The following GTF2H1 variants were observed in gnomAD, a reference collection of about 807,000 sequenced individuals.
The protein encoded by GTF2H1 is BTF2 p62.
GTF2H1 carries 16 observed loss-of-function variants against 71.2 expected under a neutral mutation model. The ratio of observed to expected loss-of-function variants is 0.22; its 90% confidence interval spans 0.15 to 0.34. The LOEUF is 0.34. GTF2H1 is among the 10% of genes least tolerant of loss of function. The probability of loss-of-function intolerance (pLI) is 1.00; values close to 1 mark genes in which losing one functional copy is unlikely to be tolerated. For synonymous variants in GTF2H1, 215 were observed against 219.0 expected (o/e 0.98, Z 0.16); for missense variants, 498 against 648.2 (o/e 0.77, Z 2.52).
intron 2 of GTF2H1, among the ~76,000 whole-genome samples, 191 bp from the exon 3 acceptor site, chr11:18,335,563 G>T (rs949883976): frequency 6.6e-6 from 1 of 152,216 alleles, no homozygotes; most frequent in African/African-American, 2.4e-5. Flanking sequence ...CAGAGTGTTA[G>T]TGAGTTTGAT....
chr11:18,358,205 A>C, intron 12 of GTF2H1, 163 bp downstream of exon 12: 1 of 621,172 alleles, frequency 1.6e-6, no homozygotes, highest in East Asian at 2.8e-5. Flanking sequence ...CATCTAGACA[A>C]GATCTTAGGT....
At chr11:18,348,213 T>C in intron 9 of GTF2H1, 1 of 413,608 alleles carries the variant, frequency 2.4e-6, no homozygotes, top group Non-Finnish European at 4.2e-6. Context: ...GATTTTGTTC[T>C]CTGGGAATAA....
intron 1 of GTF2H1, among the ~76,000 whole-genome samples, chr11:18,329,002 T>C (rs1167332786): frequency 6.6e-6 from 1 of 152,184 alleles, no homozygotes; most frequent in East Asian, 1.9e-4. Flanking sequence ...TTGTGATCCT[T>C]TATCATATTT....
intron 2 of GTF2H1, 50 bp downstream of exon 2, chr11:18,333,278 G>A (rs535303666): frequency 3.0e-6 from 4 of 1,312,470 alleles, no homozygotes; most frequent in East Asian, 4.7e-5. Flanking sequence ...ATAGTTGCTA[G>A]TAATTTTGTA....
chr11:18,356,098 C>A (rs1001149542), intron 11 of GTF2H1, among the ~76,000 whole-genome samples: 1 of 152,070 alleles, frequency 6.6e-6, no homozygotes, highest in African/African-American at 2.4e-5. Context: ...GAACCAAGAT[C>A]TGGGACCGGG....
Position 18,356,787 on chromosome 11 carries a change from G to GT in GTF2H1, c.1261-1146dup, listed in dbSNP as rs34873148. 7.5e-3 allele frequency among the ~76,000 whole-genome samples: 848 copies of GT among 113,010 alleles called. 8 individuals carry two copies. The highest frequency in any genetic ancestry group is 9.9e-3 in the Non-Finnish European group (551 of 55,614). 74.1% of individuals were successfully genotyped at this position (113,010 alleles called of 152,430 possible). On this transcript the variant is annotated intron_variant, in intron 11 of 14. Coordinates refer to ENST00000265963, the MANE Select transcript of GTF2H1 (RefSeq NM_005316.4). Reference sequence around the variant, plus strand: ...TTTTTTTACACTGTAGTCAATCTTTGTTTTTTTTTTTTTTTTTTTGCAGTC... The same window carrying GT: ...TTTTTTTACACTGTAGTCAATCTTTGTTTTTTTTTTTTTTTTTTTTGCAGTC...
At position 18,336,094 on chromosome 11, in the gene GTF2H1, T is replaced by C. The variant is rs1865022077; in HGVS notation, c.347+148T>C. On this transcript the variant is annotated intron_variant, in intron 3 of 14. Transcript: ENST00000265963. Reference sequence around the variant, plus strand: ...CGTTTTTGTTTTTGTTTTGTTTGTTTGTTTGTTTTGGTGGTGGTGGTTTTT... The same window carrying C: ...CGTTTTTGTTTTTGTTTTGTTTGTTCGTTTGTTTTGGTGGTGGTGGTTTTT... The C allele has an allele frequency of 9.7e-6, 6 of 620,094 alleles. No individual in the cohort carries two copies. The South Asian group carries it at 1.2e-4, about 12-fold the overall frequency. 38.4% of individuals were successfully genotyped at this position (620,094 alleles called of 1,614,324 possible). A position where few individuals can be genotyped will look rare whatever the true frequency, so the allele number is the denominator to read the frequency against.
At chr11:18,323,300 C>CT (rs1462207309) in intron 1 of GTF2H1, among the ~76,000 whole-genome samples, 1 of 151,644 alleles carries the variant, frequency 6.6e-6, no homozygotes, top group African/African-American at 2.4e-5. Context: ...GGTGACTTTT[C>CT]TTATTTTTTT....
chr11:18,347,972 T>C (rs1224185962), intron 9 of GTF2H1, 53 bp downstream of exon 9: 6 of 1,102,284 alleles, frequency 5.4e-6, no homozygotes, highest in African/African-American at 3.1e-5. Flanking sequence ...CCAAATACTT[T>C]ATGTGACTGC....
intron 11 of GTF2H1, among the ~76,000 whole-genome samples, chr11:18,357,546 GT>G (rs1191347765): frequency 6.6e-6 from 1 of 152,060 alleles, no homozygotes; most frequent in Non-Finnish European, 1.5e-5. Context: ...ACAAGATTTT[GT>G]TTCTTAGAAA....
chr11:18,323,930 A>G (rs547879828), intron 1 of GTF2H1, among the ~76,000 whole-genome samples: 1 of 152,364 alleles, frequency 6.6e-6, no homozygotes, highest in Admixed American at 6.5e-5. Context: ...AACCTCTAGT[A>G]GCAGGCCTTG....
At chr11:18,344,737 A>G (rs1174620964) in intron 7 of GTF2H1, among the ~76,000 whole-genome samples, 1 of 152,072 alleles carries the variant, frequency 6.6e-6, no homozygotes, top group African/African-American at 2.4e-5. Context: ...CAAGACTGCT[A>G]GATTTGGCTC....
At chr11:18,329,939 A>C (rs541244716) in intron 1 of GTF2H1, among the ~76,000 whole-genome samples, 5 of 152,332 alleles carry the variant, frequency 3.3e-5, no homozygotes, top group Admixed American at 3.3e-4. Context: ...GAACAGATAA[A>C]AACTAATCTG....
intron 11 of GTF2H1, among the ~76,000 whole-genome samples, chr11:18,353,187 T>A (rs1178133198): frequency 6.6e-6 from 1 of 152,244 alleles, no homozygotes; most frequent in Non-Finnish European, 1.5e-5. Context: ...ACCGCGCCAT[T>A]GCACTCCAGC....
chr11:18,362,965 G>A (rs956045269), intron 14 of GTF2H1, among the ~76,000 whole-genome samples: 3 of 151,690 alleles, frequency 2.0e-5, no homozygotes, highest in Non-Finnish European at 4.4e-5. Flanking sequence ...CACCACGCCT[G>A]GTGCCTTTTT....
chr11:18,360,520 C>A, intron 13 of GTF2H1, 95 bp from the exon 14 acceptor site: 1 of 602,092 alleles, frequency 1.7e-6, no homozygotes, highest in South Asian at 2.3e-5. Context: ...AAAAATTCTA[C>A]AAGAAAAGTA....
intron 2 of GTF2H1, among the ~76,000 whole-genome samples, chr11:18,334,970 TA>T (rs200843462): frequency 4.6e-5 from 7 of 151,968 alleles, no homozygotes; most frequent in African/African-American, 7.2e-5. Context: ...TTTTTTATTT[TA>T]AAAAAAACGG....
intron 10 of GTF2H1, 114 bp downstream of exon 10, chr11:18,352,083 C>G (rs899306271): frequency 1.2e-5 from 8 of 667,214 alleles, no homozygotes; most frequent in Admixed American, 2.6e-5. Context: ...GTACAATATC[C>G]TTTTCTGTTT....
chr11:18,351,140 G>A (rs956534166), intron 9 of GTF2H1, among the ~76,000 whole-genome samples: 10 of 152,104 alleles, frequency 6.6e-5, no homozygotes, highest in African/African-American at 2.4e-4. Context: ...CAAAAATTAA[G>A]CCGGAAGCTG....
Sources: gnomAD v4.1 joint callset for allele counts (sites outside exome capture counted in the v4.1 genomes callset) on GRCh38, gnomAD v4.1.1 for gene constraint, MANE v1.5 for transcripts, NCBI Gene and HGNC (gene_info 2026-07-23, HGNC 2026-07-21) for gene names.